Variants in WWTR1 observed in about 807,000 individuals in gnomAD.
The protein encoded by WWTR1 is WW domain-containing transcription regulator protein 1.
WWTR1 carries 13 observed loss-of-function variants against 40.1 expected under a neutral mutation model. That is an observed-to-expected ratio of 0.32 (90% CI 0.21 to 0.52). The LOEUF (loss-of-function observed/expected upper bound fraction) is 0.52, where lower values mean the gene tolerates loss of function less well. Among genes scored for constraint, WWTR1 ranks in the 20% least tolerant of loss-of-function variants. The probability of loss-of-function intolerance (pLI) is 0.97; values close to 1 mark genes in which losing one functional copy is unlikely to be tolerated. For missense variants in WWTR1, 436 were observed against 523.1 expected, an observed-to-expected ratio of 0.83 and a Z score of 1.63; for synonymous variants, 230 against 210.1, an observed-to-expected ratio of 1.09 and a Z score of -0.82.
At chr3:149,671,516 T>A (rs1714089542) in intron 1 of WWTR1, among the ~76,000 whole-genome samples, 2 of 152,198 alleles carry the variant, frequency 1.3e-5, no homozygotes, top group South Asian at 4.1e-4. Flanking sequence ...TTCACAAAAT[T>A]TTCAGTTGAC....
intron 6 of WWTR1, among the ~76,000 whole-genome samples, chr3:149,521,720 G>C (rs758050287): frequency 2.6e-5 from 4 of 152,226 alleles, no homozygotes; most frequent in Non-Finnish European, 5.9e-5. Flanking sequence ...TAGAGGAAAA[G>C]TAGGTGTCTG....
chr3:149,679,884 C>T (rs1169764024), intron 1 of WWTR1, among the ~76,000 whole-genome samples: 2 of 152,182 alleles, frequency 1.3e-5, no homozygotes, highest in Admixed American at 6.5e-5. Flanking sequence ...ATTTCTCAAG[C>T]TTTGATTGGA....
chr3:149,547,098 G>C (rs1378886507), intron 3 of WWTR1, among the ~76,000 whole-genome samples: 1 of 151,826 alleles, frequency 6.6e-6, no homozygotes, highest in Non-Finnish European at 1.5e-5. Context: ...GGAGGCCTAA[G>C]GCAGAGAAAA....
chr3:149,682,083 A>G (rs1320713798), intron 1 of WWTR1, among the ~76,000 whole-genome samples: 2 of 152,196 alleles, frequency 1.3e-5, no homozygotes, highest in South Asian at 2.1e-4. Flanking sequence ...AATGTAAAAA[A>G]AGATCAACTT....
chr3:149,526,493 T>G (rs1275584507), intron 5 of WWTR1, among the ~76,000 whole-genome samples: 1 of 151,924 alleles, frequency 6.6e-6, no homozygotes, highest in East Asian at 1.9e-4. Context: ...AAAGTCTGTG[T>G]GATGGACACA....
intron 1 of WWTR1, among the ~76,000 whole-genome samples, chr3:149,688,567 T>C (rs1392564716): frequency 2.0e-5 from 3 of 152,248 alleles, no homozygotes; most frequent in Non-Finnish European, 4.4e-5. Flanking sequence ...ATGGCATTAC[T>C]GGGATTGGGG....
chr3:149,615,294 G>A (rs147367303), intron 2 of WWTR1, among the ~76,000 whole-genome samples: 1 of 152,192 alleles, frequency 6.6e-6, no homozygotes, highest in East Asian at 1.9e-4. Context: ...TTCTTCTTTG[G>A]TCACTGATTT....
rs1197552509 is a variant in WWTR1, at chr3:149,550,738, CAGGAAA to C, written c.569-8207_569-8202del. On this transcript the variant is annotated intron_variant, in intron 3 of 6. Coordinates refer to ENST00000360632, the MANE Select transcript of WWTR1 (RefSeq NM_015472.6). ...TAGAAAAACAAAGCAAAACAAAATA[CAGGAAA>C]AGCAAGGGTTATAAAAGACTGCTTG... Among the ~76,000 whole-genome samples the C allele has an allele frequency of 3.4e-3, 497 of 146,844 alleles. 15 individuals are homozygous for C. The highest frequency in any genetic ancestry group is 7.1e-3 in the Middle Eastern group (2 of 280).
intron 2 of WWTR1, among the ~76,000 whole-genome samples, chr3:149,669,315 C>T (rs987858477): frequency 1.3e-5 from 2 of 152,178 alleles, no homozygotes; most frequent in African/African-American, 4.8e-5. Flanking sequence ...AGTTCCTGCA[C>T]CAGTCCCATT....
chr3:149,675,980 C>T (rs1201798005), intron 1 of WWTR1, among the ~76,000 whole-genome samples: 1 of 152,158 alleles, frequency 6.6e-6, no homozygotes, highest in Admixed American at 6.5e-5. Flanking sequence ...GCTGGGATTA[C>T]AGGCGTGAGC....
intron 3 of WWTR1, among the ~76,000 whole-genome samples, chr3:149,549,766 G>A (rs550665394): frequency 6.6e-6 from 1 of 152,110 alleles, no homozygotes; most frequent in Non-Finnish European, 1.5e-5. Flanking sequence ...TTGAGCCCAG[G>A]AGGAAGAGAC....
At chr3:149,580,758 G>A (rs1192543444) in intron 2 of WWTR1, among the ~76,000 whole-genome samples, 4 of 152,098 alleles carry the variant, frequency 2.6e-5, no homozygotes, top group Non-Finnish European at 4.4e-5. Flanking sequence ...GATTATAGGC[G>A]TGTGCCACCA....
intron 4 of WWTR1, among the ~76,000 whole-genome samples, chr3:149,723,683 C>A (rs1048396129): frequency 6.6e-6 from 1 of 152,070 alleles, no homozygotes; most frequent in African/African-American, 2.4e-5. Context: ...ATATCTAGTT[C>A]CTAAAAGGGG....
intron 1 of WWTR1, among the ~76,000 whole-genome samples, chr3:149,683,738 A>T (rs886438396): frequency 7.2e-5 from 11 of 152,158 alleles, no homozygotes; most frequent in Non-Finnish European, 1.2e-4. Context: ...TTTAGACAAG[A>T]GCCAGGGGTC....
At chr3:149,672,286 TAGA>T (rs1411235122) in intron 1 of WWTR1, among the ~76,000 whole-genome samples, 4 of 152,038 alleles carry the variant, frequency 2.6e-5, no homozygotes, top group Non-Finnish European at 5.9e-5. Flanking sequence ...GTGTAGCTGG[TAGA>T]AGGAGAAAAA....
intron 1 of WWTR1, among the ~76,000 whole-genome samples, chr3:149,691,020 A>G (rs1019010687): frequency 2.6e-5 from 4 of 152,182 alleles, no homozygotes; most frequent in Non-Finnish European, 5.9e-5. Context: ...AAATCAAGAA[A>G]CAACTTTAAA....
chr3:149,637,740 A>T (rs540933474), intron 2 of WWTR1, among the ~76,000 whole-genome samples: 19 of 152,296 alleles, frequency 1.2e-4, no homozygotes, highest in African/African-American at 4.3e-4. Flanking sequence ...AGATCAAATT[A>T]CTATGGGGAT....
At chr3:149,653,360 C>A (rs1713010287) in intron 2 of WWTR1, among the ~76,000 whole-genome samples, 1 of 152,142 alleles carries the variant, frequency 6.6e-6, no homozygotes, top group Non-Finnish European at 1.5e-5. Context: ...GAGAGGACAG[C>A]AGGAATAATG....
intron 4 of WWTR1, chr3:149,540,925 T>C (rs1480759594): frequency 4.8e-6 from 2 of 418,738 alleles, no homozygotes; most frequent in Admixed American, 2.8e-5. Flanking sequence ...TATCCTGGAA[T>C]GTATTTGATG....
Sources: gnomAD v4.1 joint callset for allele counts (sites outside exome capture counted in the v4.1 genomes callset) on GRCh38, gnomAD v4.1.1 for gene constraint, MANE v1.5 for transcripts, NCBI Gene and HGNC (gene_info 2026-07-23, HGNC 2026-07-21) for gene names.